AGMO: variants seen among roughly 807,000 people sequenced by gnomAD.
The protein encoded by AGMO is glyceryl-ether monooxygenase.
AGMO carries 75 observed loss-of-function variants against 60.2 expected under a neutral mutation model. The observed-to-expected ratio is 1.25, with a 90% CI of 1.03 to 1.51. The LOEUF is 1.51. Among genes scored for constraint, AGMO ranks in the 40% most tolerant of loss-of-function variants. The probability of loss-of-function intolerance (pLI) is 0.00; values close to 1 mark genes in which losing one functional copy is unlikely to be tolerated. For missense variants in AGMO, 763 were observed against 525.5 expected, an observed-to-expected ratio of 1.45 and a Z score of -4.42; for synonymous variants, 261 against 177.1, an observed-to-expected ratio of 1.47 and a Z score of -3.76.
intron 3 of AGMO, among the ~76,000 whole-genome samples, chr7:15,458,860 A>C (rs1274159814): frequency 6.6e-6 from 1 of 152,174 alleles, no homozygotes; most frequent in African/African-American, 2.4e-5. Context: ...CCCCTCTACC[A>C]CCATTGCAAG....
chr7:15,304,094 C>T (rs1780536072), intron 12 of AGMO, among the ~76,000 whole-genome samples: 1 of 152,146 alleles, frequency 6.6e-6, no homozygotes, highest in Non-Finnish European at 1.5e-5. Context: ...TGCCTTTATG[C>T]AATGCTTGAC....
At chr7:15,118,167 A>ACACAC in the AGMO span, among the ~76,000 whole-genome samples, 16 of 58,586 alleles carry the variant, frequency 2.7e-4, no homozygotes, top group Non-Finnish European at 4.7e-4. Context: ...AAAACCACTA[A>ACACAC]AGAGAAACAC....
At chr7:15,298,096 ATTATG>A (rs138695328) in intron 12 of AGMO, among the ~76,000 whole-genome samples, 10,675 of 152,210 alleles carry the variant, frequency 0.07, 540 homozygotes, top group South Asian at 0.2. Flanking sequence ...AAACAAACAT[ATTATG>A]TTATGTTATG....
intron 12 of AGMO, among the ~76,000 whole-genome samples, chr7:15,247,730 T>C (rs1447825484): frequency 4.6e-5 from 7 of 152,176 alleles, no homozygotes; most frequent in African/African-American, 9.7e-5. Flanking sequence ...TATTATATAC[T>C]TTAAATACTA....
intron 5 of AGMO, among the ~76,000 whole-genome samples, chr7:15,414,969 C>G (rs1174331149): frequency 3.3e-5 from 5 of 151,742 alleles, no homozygotes; most frequent in Admixed American, 2.0e-4. Flanking sequence ...CTACCTCATA[C>G]CATATGTAAA....
rs1008080857 is a variant in AGMO, at chr7:15,390,867, C to T, written c.715G>A (p.Val239Ile). The stretch of plus-strand genomic sequence containing the variant: ...AAAATTTTATCCCAAATAATAAGAA[C>T]ACCAGCATAATTTTTGTCTATGCAA... ...RYCIDKNYAG[V>I]LIIWDKIFGT... Residue 239 changes from valine (V) to isoleucine (I), a missense_variant, in exon 7 of 13, where the codon GTT becomes ATT. Coordinates refer to ENST00000342526, the MANE Select transcript of AGMO (RefSeq NM_001004320.2). 2 of 1,604,706 alleles carry T rather than the reference C, an allele frequency of 1.2e-6. No individual in the cohort carries two copies. The highest frequency in any genetic ancestry group is 1.7e-6 in the Non-Finnish European group (2 of 1,174,924).
intron 12 of AGMO, among the ~76,000 whole-genome samples, chr7:15,301,212 G>A (rs1251108819): frequency 2.0e-5 from 3 of 152,140 alleles, no homozygotes; most frequent in South Asian, 2.1e-4. Context: ...GCCAAGGCAG[G>A]TGGATCACTT....
intron 3 of AGMO, among the ~76,000 whole-genome samples, chr7:15,454,311 G>A: frequency 6.6e-6 from 1 of 151,788 alleles, no homozygotes; most frequent in East Asian, 1.9e-4. Flanking sequence ...AAATGTGCTT[G>A]AATGTGCTTG....
At chr7:15,254,313 C>A (rs960813888) in intron 12 of AGMO, among the ~76,000 whole-genome samples, 1 of 152,126 alleles carries the variant, frequency 6.6e-6, no homozygotes, top group Non-Finnish European at 1.5e-5. Context: ...AACTTCTATA[C>A]ATTTTTTCAT....
intron 5 of AGMO, among the ~76,000 whole-genome samples, chr7:15,405,469 T>C (rs1054550777): frequency 2.0e-5 from 3 of 151,952 alleles, no homozygotes; most frequent in African/African-American, 7.2e-5. Flanking sequence ...AGATTTATTT[T>C]ACGTGGTTCT....
chr7:15,354,294 A>T (rs1782366071), intron 12 of AGMO, among the ~76,000 whole-genome samples: 1 of 110,078 alleles, frequency 9.1e-6, no homozygotes, highest in Non-Finnish European at 1.9e-5. Flanking sequence ...AATGAGATAA[A>T]TATATATACG....
intron 12 of AGMO, among the ~76,000 whole-genome samples, chr7:15,338,359 T>C (rs1781728884): frequency 6.6e-6 from 1 of 152,196 alleles, no homozygotes. Context: ...AATTTTTAAC[T>C]GTAGAGAAGG....
At chr7:15,276,471 T>G (rs1783791530) in intron 12 of AGMO, among the ~76,000 whole-genome samples, 1 of 152,152 alleles carries the variant, frequency 6.6e-6, no homozygotes. Flanking sequence ...AAGATTTTTT[T>G]TCTTTCAGGT....
At chr7:15,525,698 C>T (rs936994780) in intron 3 of AGMO, among the ~76,000 whole-genome samples, 4 of 152,094 alleles carry the variant, frequency 2.6e-5, no homozygotes, top group African/African-American at 7.2e-5. Flanking sequence ...TGCCCTTGAC[C>T]GGGTAAGGGT....
the AGMO span, among the ~76,000 whole-genome samples, chr7:15,179,313 T>G: frequency 1.3e-5 from 2 of 152,170 alleles, no homozygotes; most frequent in African/African-American, 4.8e-5. Context: ...CCCTTTATCC[T>G]GAGGCAAATT....
the AGMO span, among the ~76,000 whole-genome samples, chr7:15,189,496 G>C: frequency 6.6e-6 from 1 of 152,096 alleles, no homozygotes; most frequent in African/African-American, 2.4e-5. Flanking sequence ...TCTTTTAACT[G>C]AATGCAAGGT....
At chr7:15,243,024 A>T (rs1365555994) in intron 12 of AGMO, among the ~76,000 whole-genome samples, 2 of 152,046 alleles carry the variant, frequency 1.3e-5, no homozygotes, top group East Asian at 3.9e-4. Flanking sequence ...AAAGGAATTT[A>T]ATGTATCACT....
At chr7:15,320,516 C>A (rs1781076391) in intron 12 of AGMO, among the ~76,000 whole-genome samples, 1 of 152,088 alleles carries the variant, frequency 6.6e-6, no homozygotes, top group African/African-American at 2.4e-5. Flanking sequence ...GATATCTCAA[C>A]TCTCCTTCAT....
intron 3 of AGMO, among the ~76,000 whole-genome samples, chr7:15,489,476 T>C (rs1783012210): frequency 6.6e-6 from 1 of 152,182 alleles, no homozygotes; most frequent in South Asian, 2.1e-4. Flanking sequence ...CTGGACCTTT[T>C]GATGCTTTTG....
Sources: allele counts gnomAD v4.1 joint callset (sites outside exome capture counted in the v4.1 genomes callset), GRCh38; gene constraint gnomAD v4.1.1; transcripts MANE v1.5; gene names NCBI Gene and HGNC (gene_info 2026-07-23, HGNC 2026-07-21).